MON2: variants seen among roughly 807,000 people sequenced by gnomAD.
The protein encoded by MON2 is MON2 regulator of endosome-to-Golgi trafficking, also known as protein MON2 homolog.
In MON2, 84 loss-of-function variants were observed where a neutral mutation model predicts 208.6. The ratio of observed to expected loss-of-function variants is 0.40; its 90% CI spans 0.34 to 0.48. The LOEUF (loss-of-function observed/expected upper bound fraction) is 0.48, where lower values mean the gene tolerates loss of function less well. MON2 is among the 20% of genes least tolerant of loss of function. The pLI is 0.59. For missense variants in MON2, 1,611 were observed against 2,015.4 expected (o/e 0.80, Z 3.84); for synonymous variants, 660 against 694.0 (o/e 0.95, Z 0.77).
At chr12:62,508,208 T>C in intron 7 of MON2, 78 bp from the exon 8 acceptor site, 1 of 1,090,982 alleles carries the variant, frequency 9.2e-7, no homozygotes, top group Non-Finnish European at 1.3e-6. Flanking sequence ...TTTTGTTTCC[T>C]AGTGAGACTG....
At chr12:62,562,523 AT>A (rs1375730777) in intron 26 of MON2, among the ~76,000 whole-genome samples, 1 of 152,040 alleles carries the variant, frequency 6.6e-6, no homozygotes, top group Non-Finnish European at 1.5e-5. Context: ...GTGTTGTATG[AT>A]TACCTAAATG....
intron 4 of MON2, 96 bp downstream of exon 4, chr12:62,495,243 G>T: frequency 9.4e-7 from 1 of 1,066,916 alleles, no homozygotes; most frequent in Non-Finnish European, 1.3e-6. Context: ...TGAACCAAAA[G>T]CAACTTCCCT....
chr12:62,510,850 A>G lies in MON2; in HGVS notation c.984+2370A>G, dbSNP rs573259066. Reference sequence around the variant, plus strand: ...TCCACATTGGAAAGGAAGAAGTAACATTATCTCTGTTTGCTAATGTATGTT... The same window carrying G: ...TCCACATTGGAAAGGAAGAAGTAACGTTATCTCTGTTTGCTAATGTATGTT... On this transcript the variant is annotated intron_variant, in intron 8 of 34. Coordinates refer to ENST00000393630, the MANE Select transcript of MON2 (RefSeq NM_015026.3). 8.5e-5 allele frequency among the ~76,000 whole-genome samples: 13 copies of G among 152,322 alleles called. No homozygotes were observed. In the South Asian group the frequency reaches 2.7e-3, roughly 32 times the overall value.
intron 11 of MON2, among the ~76,000 whole-genome samples, chr12:62,528,679 A>G (rs993073493): frequency 4.6e-5 from 7 of 152,180 alleles, no homozygotes; most frequent in Non-Finnish European, 1.0e-4. Flanking sequence ...GGATTATTTT[A>G]TGTTTTAGAT....
At chr12:62,520,889 T>A (rs1339238152) in intron 8 of MON2, among the ~76,000 whole-genome samples, 1 of 144,668 alleles carries the variant, frequency 6.9e-6, no homozygotes. Flanking sequence ...ATATTATTTT[T>A]TTTGAGACTC....
At chr12:62,534,542 A>AAAATATATAT (rs1555169522) in intron 12 of MON2, among the ~76,000 whole-genome samples, 3 of 22,850 alleles carry the variant, frequency 1.3e-4, no homozygotes, top group African/African-American at 2.0e-4. Flanking sequence ...AAAAAAAAAA[A>AAAATATATAT]ATATATATAT....
intron 22 of MON2, among the ~76,000 whole-genome samples, 167 bp downstream of exon 22, chr12:62,547,239 T>C (rs1266009666): frequency 6.6e-6 from 1 of 152,216 alleles, no homozygotes; most frequent in Non-Finnish European, 1.5e-5. Context: ...GGCTAAGATC[T>C]GTAATAGTTT....
intron 8 of MON2, 63 bp downstream of exon 8, chr12:62,508,543 T>C: frequency 6.7e-7 from 1 of 1,492,826 alleles, no homozygotes; most frequent in South Asian, 1.1e-5. Flanking sequence ...TTGTAAAAAG[T>C]GGTCTGTTGT....
intron 4 of MON2, among the ~76,000 whole-genome samples, chr12:62,496,309 G>A (rs1436033560): frequency 6.6e-6 from 1 of 151,952 alleles, no homozygotes; most frequent in South Asian, 2.1e-4. Context: ...GTTTTCATTT[G>A]ATCTACTAAA....
At chr12:62,527,258 TA>T (rs1418216655) in intron 11 of MON2, among the ~76,000 whole-genome samples, 1 of 151,930 alleles carries the variant, frequency 6.6e-6, no homozygotes, top group Admixed American at 6.6e-5. Context: ...CCCCATCTCT[TA>T]AAAAAAATAG....
chr12:62,507,635 G>C (rs2071173658), intron 7 of MON2, among the ~76,000 whole-genome samples: 1 of 151,422 alleles, frequency 6.6e-6, no homozygotes, highest in African/African-American at 2.4e-5. Context: ...TCTTTCTTCT[G>C]TTTATGTTTT....
At chr12:62,583,674 C>T (rs1197066093) in intron 32 of MON2, among the ~76,000 whole-genome samples, 2 of 151,638 alleles carry the variant, frequency 1.3e-5, no homozygotes, top group African/African-American at 4.8e-5. Flanking sequence ...GGAGGCCAGG[C>T]ACAGTGGCTC....
intron 1 of MON2, among the ~76,000 whole-genome samples, chr12:62,480,092 A>C (rs2069322645): frequency 6.6e-6 from 1 of 152,234 alleles, no homozygotes. Context: ...TATGAGAATA[A>C]GATGATACAA....
chr12:62,500,679 C>A, intron 5 of MON2, 104 bp from the exon 6 acceptor site: 1 of 589,058 alleles, frequency 1.7e-6, no homozygotes, highest in Non-Finnish European at 2.8e-6. Context: ...ATAACTTCAA[C>A]TTATATAAAC....
rs1021614988 is a variant in MON2, at chr12:62,547,209, T to G, written c.2753+137T>G. 7.4e-5 allele frequency: 40 copies of G among 541,098 alleles called. No individual in the cohort carries two copies. In the East Asian group the frequency reaches 1.5e-3, roughly 20 times the overall value. The allele number at this position is 541,098 out of a possible 1,614,324, so 33.5% of individuals were successfully genotyped here. ...CTTGAAATAGTGGTTATTTTTTTCA[T>G]GTATGCGCTTCCTGCTTAAGGCTAA... On this transcript the variant is annotated intron_variant, in intron 22 of 34. Coordinates refer to ENST00000393630, the MANE Select transcript of MON2 (RefSeq NM_015026.3).
Position 62,596,884 on chromosome 12 carries a change from A to C in MON2, c.*4135A>C, listed in dbSNP as rs1395243776. The C allele has an allele frequency of 6.6e-6, 1 of 152,214 alleles. No homozygotes were observed. Among genetic ancestry groups the C allele is most frequent in the Non-Finnish European group, 1.5e-5 (1 of 68,030 alleles). 9.4% of individuals were successfully genotyped at this position (152,214 alleles called of 1,614,324 possible). A position where few individuals can be genotyped will look rare whatever the true frequency, so the allele number is the denominator to read the frequency against. On this transcript the variant is annotated 3_prime_UTR_variant, in exon 35 of 35. Coordinates refer to ENST00000393630, the MANE Select transcript of MON2 (RefSeq NM_015026.3). ...ATGTCTTACAAATCCAATACTTTCT[A>C]ATGCTCTAACAGTGTTGGCTATTTA...
At position 62,577,045 on chromosome 12, in the gene MON2, A is replaced by T. The variant is rs189792308; in HGVS notation, c.4515-1400A>T. Among the ~76,000 whole-genome samples the T allele has an allele frequency of 2.8e-3, 431 of 152,040 alleles. 1 individual carries two copies. Among genetic ancestry groups the T allele is most frequent in the Admixed American group, 5.0e-3 (77 of 15,258 alleles). On this transcript the variant is annotated intron_variant, in intron 30 of 34. Transcript: ENST00000393630. ...TTTGCCTCTTCATTTTTTGTTGATC[A>T]TCAACTCATCCTTAGTTACCTCCAC... is the stretch of plus-strand genomic sequence containing the variant.
chr12:62,580,265 C>T (rs1226759228), intron 31 of MON2, 32 bp from the exon 32 acceptor site: 5 of 1,591,636 alleles, frequency 3.1e-6, no homozygotes, highest in South Asian at 2.3e-5. Flanking sequence ...TCAAAGAAAA[C>T]AATACATTTG....
intron 1 of MON2, among the ~76,000 whole-genome samples, chr12:62,476,708 A>T (rs1403024200): frequency 6.6e-6 from 1 of 152,140 alleles, no homozygotes; most frequent in East Asian, 1.9e-4. Flanking sequence ...AAGTAGTGGG[A>T]TTACAGGCAT....
Sources: gnomAD v4.1 joint callset for allele counts (sites outside exome capture counted in the v4.1 genomes callset) on GRCh38, gnomAD v4.1.1 for gene constraint, MANE v1.5 for transcripts, NCBI Gene and HGNC (gene_info 2026-07-23, HGNC 2026-07-21) for gene names.